The following CDK18 variants were observed in gnomAD, a reference collection of about 807,000 sequenced individuals.
CDK18 encodes cyclin-dependent kinase 18.
Under a neutral mutation model 62.0 loss-of-function variants are expected in CDK18, and 52 were observed. The ratio of observed to expected loss-of-function variants is 0.84; its 90% CI spans 0.67 to 1.06. The LOEUF is 1.06. Ranked by LOEUF, CDK18 falls within the 50% of genes least tolerant of loss-of-function variation. The pLI is 0.00. For missense variants in CDK18, 604 were observed against 619.9 expected, an observed-to-expected ratio of 0.97 and a Z score of 0.27; for synonymous variants, 237 against 247.0, an observed-to-expected ratio of 0.96 and a Z score of 0.38.
rs750741296 is a variant in CDK18, at chr1:205,529,536, C to T, written c.1194C>T (p.Gly398=). Residue 398 remains glycine (G), a synonymous_variant, in exon 13 of 16, where the codon GGC becomes GGT. Coordinates refer to ENST00000429964, the MANE Select transcript of CDK18 (RefSeq NM_212502.3). The part of the protein sequence containing the change: ...INHAPRLDTD[G]IHLLSSLLLY... ...CTCCTTGCAGGTTGGATACGGATGG[C>T]ATCCACCTCCTGAGCAGCCTGCTCC... The T allele has an allele frequency of 6.2e-7, 1 of 1,612,016 alleles. No individual in the cohort carries two copies. The highest frequency in any genetic ancestry group is 8.5e-7 in the Non-Finnish European group (1 of 1,178,862).
At position 205,528,844 on chromosome 1, in the gene CDK18, C is replaced by T; in HGVS notation, c.975-155C>T. On this transcript the variant is annotated intron_variant, in intron 10 of 15. Transcript: ENST00000429964. This position sits in a 1 kb window ranked among gnomAD's most constrained non-coding sequence, Gnocchi z 4.2. ...GGGCTGTAGTGGGGGCTGGGCAGTT[C>T]TAGGAGCCTCCACTGCCCTGGGCCA... The T allele has an allele frequency of 1.7e-6, 1 of 576,318 alleles. No homozygotes were observed. The highest frequency in any genetic ancestry group is 3.1e-6 in the Non-Finnish European group (1 of 321,942). 35.7% of individuals were successfully genotyped at this position (576,318 alleles called of 1,614,324 possible).
At chr1:205,520,590 C>T (rs1668068269) in intron 1 of CDK18, among the ~76,000 whole-genome samples, 1 of 151,726 alleles carries the variant, frequency 6.6e-6, no homozygotes, top group East Asian at 1.9e-4. Context: ...ATCCCAGCTA[C>T]TCAGGAGGCT....
At chr1:205,510,976 G>T (rs1477047124) in intron 1 of CDK18, among the ~76,000 whole-genome samples, 1 of 152,210 alleles carries the variant, frequency 6.6e-6, no homozygotes, top group African/African-American at 2.4e-5. Context: ...GCTGAGATGG[G>T]CAAGGAAATC....
intron 1 of CDK18, among the ~76,000 whole-genome samples, chr1:205,515,003 G>C (rs1161289092): frequency 6.6e-6 from 1 of 152,126 alleles, no homozygotes; most frequent in Non-Finnish European, 1.5e-5. Flanking sequence ...TGATTGCAAA[G>C]CTGTGGGGTG....
intron 4 of CDK18, 60 bp downstream of exon 4, chr1:205,524,417 C>G: frequency 1.3e-6 from 2 of 1,593,226 alleles, no homozygotes; most frequent in Non-Finnish European, 1.7e-6. Flanking sequence ...CCAGCATGGG[C>G]ATATCAGTCC....
intron 1 of CDK18, among the ~76,000 whole-genome samples, chr1:205,507,675 G>A (rs1031785126): frequency 5.4e-5 from 8 of 148,700 alleles, no homozygotes; most frequent in African/African-American, 2.0e-4. Flanking sequence ...AATGCACAGT[G>A]CCTGGCATGT....
In CDK18 at chr1:205,525,133, T is replaced by A. The variant is rs761666709; in HGVS notation, c.400-6T>A. The A allele has an allele frequency of 9.4e-6, 15 of 1,604,268 alleles. No homozygotes were observed. Among genetic ancestry groups the A allele is most frequent in the Non-Finnish European group, 1.2e-5 (14 of 1,172,486 alleles). ...GCTCACGGCATTCTATGTCTCTCCC[T>A]CTCAGTCAGACATTGGCTTTGGGAA... On this transcript the variant is annotated splice_region_variant and splice_polypyrimidine_tract_variant and intron_variant, in intron 4 of 15. Transcript: ENST00000429964.
intron 1 of CDK18, among the ~76,000 whole-genome samples, chr1:205,505,632 G>A (rs1367539973): frequency 6.6e-6 from 1 of 152,194 alleles, no homozygotes; most frequent in Non-Finnish European, 1.5e-5. Flanking sequence ...CCAAAATCGG[G>A]TCTGGACTGG....
At chr1:205,529,462 G>A (rs866183674) in intron 12 of CDK18, 33 bp downstream of exon 12, 1 of 1,610,958 alleles carries the variant, frequency 6.2e-7, no homozygotes, top group Non-Finnish European at 8.5e-7. Context: ...CTCCTGCTGC[G>A]GCCCTGGCTC....
chr1:205,530,767 C>T (rs1668699565), intron 15 of CDK18, 62 bp downstream of exon 15: 5 of 1,390,998 alleles, frequency 3.6e-6, no homozygotes, highest in Non-Finnish European at 5.1e-6. Context: ...CAGGCGACCC[C>T]TCCCCAGTGG....
Position 205,528,957 on chromosome 1 carries a change from C to A in CDK18, c.975-42C>A, listed in dbSNP as rs370853296. ...GGTGGAGCAGCCCTAGGAAGGGCGG[C>A]CGCCCCTGCCTGATGCCGACCCTAC... On this transcript the variant is annotated intron_variant, in intron 10 of 15. Transcript: ENST00000429964. This position sits in a 1 kb window ranked among gnomAD's most constrained non-coding sequence, Gnocchi z 4.2. 2.9e-4 allele frequency: 406 copies of A among 1,380,262 alleles called. No individual in the cohort carries two copies. Among genetic ancestry groups the A allele is most frequent in the Non-Finnish European group, 7.5e-5 (75 of 997,600 alleles). The allele number at this position is 1,380,262 out of a possible 1,614,324, so 85.5% of individuals were successfully genotyped here. A position where few individuals can be genotyped will look rare whatever the true frequency, so the allele number is the denominator to read the frequency against.
chr1:205,520,978 C>T (rs1370008046), intron 1 of CDK18, among the ~76,000 whole-genome samples: 1 of 152,140 alleles, frequency 6.6e-6, no homozygotes, highest in Non-Finnish European at 1.5e-5. Context: ...TTGCACAGAG[C>T]CACGGAGGAG....
Position 205,527,694 on chromosome 1 carries a change from C to A in CDK18, c.730-100C>A. 2.6e-6 allele frequency: 3 copies of A among 1,136,104 alleles called. No homozygotes were observed. The highest frequency in any genetic ancestry group is 1.5e-5 in the African/African-American group (1 of 65,696). The allele number at this position is 1,136,104 out of a possible 1,614,324, so 70.4% of individuals were successfully genotyped here. A position where few individuals can be genotyped will look rare whatever the true frequency, so the allele number is the denominator to read the frequency against. ...TGTGCAGGAGAATGAGGGGCTTGTG[C>A]TGACCTCACTGCCAAGCCCCTGCCC... is the stretch of plus-strand genomic sequence containing the variant. On this transcript the variant is annotated intron_variant, in intron 8 of 15. Transcript: ENST00000429964. This position sits in a 1 kb window ranked among gnomAD's most constrained non-coding sequence, Gnocchi z 4.1.
chr1:205,530,026 C>T, intron 13 of CDK18: 1 of 1,415,502 alleles, frequency 7.1e-7, no homozygotes, highest in Non-Finnish European at 9.2e-7. Flanking sequence ...AGGTCACTCT[C>T]CTGAAGTTTC....
At chr1:205,518,869 A>C (rs953809812) in intron 1 of CDK18, among the ~76,000 whole-genome samples, 1 of 152,188 alleles carries the variant, frequency 6.6e-6, no homozygotes, top group Non-Finnish European at 1.5e-5. Flanking sequence ...CCTGGGAAGA[A>C]GCAACTGGAG....
At chr1:205,508,994 C>A (rs1341586410) in intron 1 of CDK18, among the ~76,000 whole-genome samples, 1 of 151,648 alleles carries the variant, frequency 6.6e-6, no homozygotes, top group African/African-American at 2.4e-5. Context: ...CCTAAAAATA[C>A]AAAAATTAGC....
At chr1:205,529,246 C>T in intron 11 of CDK18, 78 bp from the exon 12 acceptor site, 1 of 1,424,180 alleles carries the variant, frequency 7.0e-7, no homozygotes, top group Non-Finnish European at 9.8e-7. Context: ...GCTCCCACCT[C>T]ATACATTGCA....
intron 1 of CDK18, among the ~76,000 whole-genome samples, chr1:205,508,218 C>T (rs1343690373): frequency 2.0e-5 from 3 of 152,254 alleles, no homozygotes; most frequent in Non-Finnish European, 2.9e-5. Flanking sequence ...CGTCCCCTTC[C>T]CTGGACTTTT....
intron 1 of CDK18, among the ~76,000 whole-genome samples, chr1:205,518,633 C>G (rs1289267117): frequency 1.3e-5 from 2 of 152,196 alleles, no homozygotes; most frequent in Non-Finnish European, 2.9e-5. Context: ...TCTGGGCAAG[C>G]CATTTCCCCT....
Sources: gnomAD v4.1 joint callset for allele counts (sites outside exome capture counted in the v4.1 genomes callset) on GRCh38, gnomAD v4.1.1 for gene constraint, Gnocchi (gnomAD v3.1) non-coding constraint, MANE v1.5 for transcripts, NCBI Gene and HGNC (gene_info 2026-07-23, HGNC 2026-07-21) for gene names.